Variants in MEPE observed in about 807,000 individuals in gnomAD.
MEPE encodes the protein matrix extracellular phosphoglycoprotein.
Under a neutral mutation model 7.3 loss-of-function variants are expected in MEPE, and 7 were observed. That is an observed-to-expected ratio of 0.95 (90% CI 0.54 to 1.79). MEPE has a LOEUF of 1.79. Ranked by LOEUF, MEPE falls within the 40% of genes most tolerant of loss-of-function variation. MEPE has a pLI of 0.00. For missense variants in MEPE, 623 were observed against 628.2 expected (o/e 0.99, Z 0.09); for synonymous variants, 214 against 213.1 (o/e 1.00, Z -0.04).
intron 3 of MEPE, among the ~76,000 whole-genome samples, 187 bp from the exon 4 acceptor site, chr4:87,844,790 T>C (rs569435073): frequency 9.2e-5 from 14 of 152,310 alleles, no homozygotes; most frequent in Admixed American, 8.5e-4. Context: ...TCAAGCCTAG[T>C]TCATTCTTCT....
Position 87,845,985 on chromosome 4 carries a change from C to G in MEPE, c.1117C>G (p.His373Asp), listed in dbSNP as rs1190227036. 1 of 1,613,818 alleles carries G rather than the reference C, an allele frequency of 6.2e-7. No homozygotes were observed. The highest frequency in any genetic ancestry group is 8.5e-7 in the Non-Finnish European group (1 of 1,179,976). The change falls in exon 4 of 4, where the codon CAT becomes GAT. Residue 373 changes from histidine (H) to aspartate (D), a missense_variant. Physicochemically the swap from His to Asp is moderately conservative, Grantham distance 81. Coordinates refer to ENST00000361056, the MANE Select transcript of MEPE (RefSeq NM_020203.6). ...QNAHQGKVEF[H>D]YPPAPSKEKR... ...TGCTCACCAAGGGAAGGTTGAGTTT[C>G]ATTACCCTCCTGCACCCTCAAAAGA...
At position 87,845,592 on chromosome 4, in the gene MEPE, A is replaced by G; in HGVS notation, c.724A>G (p.Thr242Ala). The G allele has an allele frequency of 6.2e-7, 1 of 1,613,620 alleles. No homozygotes were observed. The highest frequency in any genetic ancestry group is 8.5e-7 in the Non-Finnish European group (1 of 1,179,876). Residue 242 changes from threonine (T) to alanine (A), a missense_variant, in exon 4 of 4, where the codon ACA (threonine) becomes GCA (alanine). Thr to Ala is a moderately conservative substitution (Grantham distance 58). Transcript: ENST00000361056. Reference sequence around the variant, plus strand: ...CAGTGATTTTGAAGGCAGCGGTTATACAGATCTTCAAGAGAGAGGGGACAA... The same window carrying G: ...CAGTGATTTTGAAGGCAGCGGTTATGCAGATCTTCAAGAGAGAGGGGACAA... ...IPSDFEGSGY[T>A]DLQERGDNDI...
intron 2 of MEPE, among the ~76,000 whole-genome samples, chr4:87,836,855 A>G (rs1204219535): frequency 6.6e-6 from 1 of 152,184 alleles, no homozygotes; most frequent in South Asian, 2.1e-4. Flanking sequence ...CTCATCTTAT[A>G]AAGGTTACTT....
At position 87,845,117 on chromosome 4, in the gene MEPE, T is replaced by C. The variant is rs368826542; in HGVS notation, c.249T>C (p.Ser83=). Residue 83 remains serine, a synonymous_variant, in exon 4 of 4, where the codon AGT becomes AGC. Transcript: ENST00000361056. ...SLSEASENKG[S]SKSQNYFTNR... is the part of the protein sequence containing the mutation. ...CTGAAGCCAGTGAGAATAAGGGAAG[T>C]AGTAAATCTCAAAATTATTTCACAA... is the stretch of plus-strand genomic sequence containing the variant. 3.1e-6 allele frequency: 5 copies of C among 1,613,618 alleles called. No homozygotes were observed. Among genetic ancestry groups the C allele is most frequent in the South Asian group, 1.1e-5 (1 of 91,024 alleles).
upstream of MEPE, among the ~76,000 whole-genome samples, chr4:87,831,111 T>C (rs1245284446): frequency 1.3e-5 from 2 of 152,158 alleles, no homozygotes; most frequent in Non-Finnish European, 2.9e-5. Context: ...ATAATGTCAA[T>C]GACCTTTACA....
intron 1 of MEPE, among the ~76,000 whole-genome samples, chr4:87,826,723 C>T (rs1722480106): frequency 1.3e-5 from 2 of 152,042 alleles, no homozygotes; most frequent in South Asian, 4.1e-4. Context: ...TTTTGATTTG[C>T]ATTTCTGTAA....
At chr4:87,828,308 G>A (rs1460727978), upstream of MEPE, among the ~76,000 whole-genome samples, 2 of 152,074 alleles carry the variant, frequency 1.3e-5, no homozygotes, top group Non-Finnish European at 2.9e-5. Context: ...GAGTTATTTT[G>A]GCAAGTTAGA....
At chr4:87,838,798 A>T in intron 3 of MEPE, 113 bp downstream of exon 3, 1 of 846,070 alleles carries the variant, frequency 1.2e-6, no homozygotes, top group Non-Finnish European at 1.9e-6. Flanking sequence ...TGGAAGTGAA[A>T]AAATATACAA....
At chr4:87,830,259 C>T (rs969007421), upstream of MEPE, among the ~76,000 whole-genome samples, 5 of 152,076 alleles carry the variant, frequency 3.3e-5, no homozygotes, top group African/African-American at 1.2e-4. Flanking sequence ...ACACATTCTT[C>T]CATAAAGACA....
chr4:87,841,275 T>C (rs776236172), intron 3 of MEPE, among the ~76,000 whole-genome samples: 9 of 152,294 alleles, frequency 5.9e-5, no homozygotes, highest in Non-Finnish European at 1.3e-4. Context: ...CAAACAACAA[T>C]GAACTTGATT....
At chr4:87,822,113 G>T (rs6816140) in intron 1 of MEPE, among the ~76,000 whole-genome samples, 442 of 152,040 alleles carry the variant, frequency 2.9e-3, no homozygotes, top group African/African-American at 9.8e-3. Flanking sequence ...CGACTTTCCC[G>T]CCAAGTCTTA....
At position 87,836,260 on chromosome 4, in the gene MEPE, T is replaced by C. The variant is rs1306735930; in HGVS notation, c.54+1492T>C. On this transcript the variant is annotated intron_variant, in intron 2 of 3. Coordinates refer to ENST00000361056, the MANE Select transcript of MEPE (RefSeq NM_020203.6). ...GAATTATAAGCCAAATTCTAAATGATTTTTAAAAGGAAGAAAATGAATGTT... is the reference window on the plus strand; with the variant it reads ...GAATTATAAGCCAAATTCTAAATGACTTTTAAAAGGAAGAAAATGAATGTT... 3.3e-5 allele frequency among the ~76,000 whole-genome samples: 5 copies of C among 152,172 alleles called. No individual in the cohort carries two copies. The East Asian group carries it at 9.6e-4, about 29-fold the overall frequency.
chr4:87,838,603 G>A, intron 2 of MEPE, 29 bp from the exon 3 acceptor site: 1 of 1,605,190 alleles, frequency 6.2e-7, no homozygotes, highest in Non-Finnish European at 8.5e-7. Context: ...GTTCTAGTGG[G>A]TGAAGTTTTG....
intron 1 of MEPE, among the ~76,000 whole-genome samples, chr4:87,824,525 G>A (rs993572095): frequency 4.6e-5 from 7 of 152,188 alleles, no homozygotes; most frequent in Middle Eastern, 3.2e-3. Flanking sequence ...TAGACAATTC[G>A]TAAACAAATG....
intron 2 of MEPE, among the ~76,000 whole-genome samples, chr4:87,837,227 A>C (rs1351716224): frequency 6.6e-6 from 1 of 152,140 alleles, no homozygotes; most frequent in Admixed American, 6.5e-5. Context: ...AGGAAAAAAA[A>C]AGGTGCTGCT....
intron 3 of MEPE, chr4:87,839,702 C>T: frequency 6.5e-7 from 1 of 1,549,808 alleles, no homozygotes; most frequent in African/African-American, 1.4e-5. Context: ...ACAAGGGTCA[C>T]TATGAGAAAC....
chr4:87,824,715 GT>G (rs200039208), intron 1 of MEPE, among the ~76,000 whole-genome samples: 1 of 151,846 alleles, frequency 6.6e-6, no homozygotes, highest in Non-Finnish European at 1.5e-5. Context: ...TTTTCTTTGT[GT>G]TTTTTTTGTT....
Position 87,845,158 on chromosome 4 carries a change from A to G in MEPE, c.290A>G (p.Asn97Ser). 1 of 1,613,692 alleles carries G rather than the reference A, an allele frequency of 6.2e-7. No individual in the cohort carries two copies. Among genetic ancestry groups the G allele is most frequent in the Non-Finnish European group, 8.5e-7 (1 of 1,179,762 alleles). Residue 97 changes from asparagine (N) to serine (S), a missense_variant, in exon 4 of 4, where the codon AAT (asparagine) becomes AGT (serine). Coordinates refer to ENST00000361056, the MANE Select transcript of MEPE (RefSeq NM_020203.6). The part of the protein sequence containing the change: ...QNYFTNRQRL[N>S]KEYSISNKEN... ...TATTTCACAAATAGACAGAGACTGA[A>G]TAAAGAATATAGTATCAGTAACAAA...
Position 87,846,299 on chromosome 4 carries a change from T to C in MEPE, c.1431T>C (p.Asn477=), listed in dbSNP as rs1723259343. Residue 477 remains asparagine (N), a synonymous_variant, in exon 4 of 4, where the codon AAT becomes AAC. Transcript: ENST00000361056. Reference sequence around the variant, plus strand: ...ATCATTATGTACCCCACAGACAAAATAATTCTACACGGAATAAGGGTATGC... The same window carrying C: ...ATCATTATGTACCCCACAGACAAAACAATTCTACACGGAATAAGGGTATGC... ...RKYHYVPHRQ[N]NSTRNKGMPQ... 1 of 1,613,794 alleles carries C rather than the reference T, an allele frequency of 6.2e-7. No individual in the cohort carries two copies. The highest frequency in any genetic ancestry group is 1.3e-5 in the African/African-American group (1 of 74,840).
Sources: allele counts gnomAD v4.1 joint callset (sites outside exome capture counted in the v4.1 genomes callset), GRCh38; gene constraint gnomAD v4.1.1; transcripts MANE v1.5; gene names NCBI Gene and HGNC (gene_info 2026-07-23, HGNC 2026-07-21).